Variants in SLC38A10 observed in about 807,000 individuals in gnomAD.
The protein encoded by SLC38A10 is solute carrier family 38 member 10, also known as Sodium-coupled neutral amino acid transporter 10.
In SLC38A10, 53 loss-of-function variants were observed where a neutral mutation model predicts 81.0. That is an observed-to-expected ratio of 0.65 (90% CI 0.53 to 0.82). The LOEUF (loss-of-function observed/expected upper bound fraction) is 0.82. SLC38A10 is among the 40% of genes least tolerant of loss of function. SLC38A10 has a pLI of 0.00. For missense variants in SLC38A10, 1,471 were observed against 1,545.0 expected (o/e 0.95, Z 0.80); for synonymous variants, 665 against 655.3 (o/e 1.01, Z -0.23).
In SLC38A10 at chr17:81,284,837, G is replaced by C. The variant is rs1430577296; in HGVS notation, c.263+13C>G. 2 of 1,537,658 alleles carry C rather than the reference G, an allele frequency of 1.3e-6. No homozygotes were observed. The highest frequency in any genetic ancestry group is 4.0e-5 in the Admixed American group (2 of 49,722). ...GGGGTGGGGGGCAAGCGCAGCGGCA[G>C]GGCGGGGCTTACCTGGTCTCCACCA... On this transcript the variant is annotated intron_variant, in intron 3 of 15. Transcript: ENST00000374759.
chr17:81,293,271 T>C (rs1473117207), intron 1 of SLC38A10, among the ~76,000 whole-genome samples: 1 of 152,256 alleles, frequency 6.6e-6, no homozygotes, highest in Non-Finnish European at 1.5e-5. Flanking sequence ...CACTGGGACA[T>C]GGAGTCAGTC....
chr17:81,275,321 T>A (rs1016637865), intron 8 of SLC38A10, among the ~76,000 whole-genome samples: 17 of 152,084 alleles, frequency 1.1e-4, no homozygotes, highest in Non-Finnish European at 2.2e-4. Context: ...CGCCTCAGCC[T>A]CCTGAGGAGC....
Position 81,294,518 on chromosome 17 carries a change from C to A in SLC38A10, c.99+305G>T, listed in dbSNP as rs112222269. On this transcript the variant is annotated intron_variant, in intron 1 of 15. Coordinates refer to ENST00000374759, the MANE Select transcript of SLC38A10 (RefSeq NM_001037984.3). Reference sequence around the variant, plus strand: ...TAAAATGTAAAAATACGGAGTCCCACCGTTCCCTTCCGATTCTGGAGGATC... The same window carrying A: ...TAAAATGTAAAAATACGGAGTCCCAACGTTCCCTTCCGATTCTGGAGGATC... 7.1e-3 allele frequency among the ~76,000 whole-genome samples: 1,080 copies of A among 152,338 alleles called. 15 individuals carry two copies. Among genetic ancestry groups the A allele is most frequent in the African/African-American group, 0.025 (1,025 of 41,576 alleles).
chr17:81,250,240 A>C (rs986513959), intron 14 of SLC38A10: 24 of 816,490 alleles, frequency 2.9e-5, no homozygotes, highest in Non-Finnish European at 3.9e-5. Context: ...GCCAGACTAA[A>C]ACCGGAGACA....
rs1567937392 is a variant in SLC38A10 at position 81,270,202 on chromosome 17, G to C, written c.1131+716C>G. On this transcript the variant is annotated intron_variant, in intron 10 of 15. Coordinates refer to ENST00000374759, the MANE Select transcript of SLC38A10 (RefSeq NM_001037984.3). The surrounding 1 kb of genome is among the most constrained non-coding windows in gnomAD (Gnocchi z 4.0). ...AGTGACGCTGCAGGCACTTTGGGTA[G>C]AGCCACCACATTTACAGATGCTCAC... Among the ~76,000 whole-genome samples, 1 of 152,194 alleles carries C rather than the reference G, an allele frequency of 6.6e-6. No individual in the cohort carries two copies. Among genetic ancestry groups the C allele is most frequent in the South Asian group, 2.1e-4 (1 of 4,824 alleles).
chr17:81,246,956 G>T lies in SLC38A10; in HGVS notation c.2171C>A (p.Ala724Glu). The change falls in exon 15 of 16, where the codon GCG becomes GAG. Residue 724 changes from alanine (A) to glutamate (E), a missense_variant. Ala to Glu is a moderately radical substitution (Grantham distance 107). Around this residue, in one of 2 missense-constraint regions of SLC38A10, gnomAD observed 751 missense variants for 717.4 expected, o/e 1.05. Coordinates refer to ENST00000374759, the MANE Select transcript of SLC38A10 (RefSeq NM_001037984.3). The stretch of plus-strand genomic sequence containing the variant: ...CTCCTTGTGCTGCTCCTCGATCACC[G>T]CCAGCAGCTTCTCCTGCTGGTCCAG... ...RLLDQQEKLL[A>E]VIEEQHKEIH... The T allele has an allele frequency of 6.2e-7, 1 of 1,607,290 alleles. No individual in the cohort carries two copies.
In SLC38A10 at chr17:81,244,966, T is replaced by C. The variant is rs1186938774; in HGVS notation, c.*590A>G. 1 of 162,452 alleles carries C rather than the reference T, an allele frequency of 6.2e-6. No individual in the cohort carries two copies. The highest frequency in any genetic ancestry group is 2.0e-4 in the South Asian group (1 of 4,914). The allele number at this position is 162,452 out of a possible 1,614,324, so 10.1% of individuals were successfully genotyped here. On this transcript the variant is annotated 3_prime_UTR_variant, in exon 16 of 16. Coordinates refer to ENST00000374759, the MANE Select transcript of SLC38A10 (RefSeq NM_001037984.3). ...CGGCTTGTCTGGCCCCTGCTCCCTG[T>C]GCTTCCTGGACACCAAACAGCATCC...
In SLC38A10 at chr17:81,277,580, C is replaced by T. The variant is rs1334870284; in HGVS notation, c.627-447G>A. 1.3e-5 allele frequency among the ~76,000 whole-genome samples: 2 copies of T among 152,208 alleles called. No homozygotes were observed. Among genetic ancestry groups the T allele is most frequent in the African/African-American group, 4.8e-5 (2 of 41,454 alleles). ...GCCTCCGCACAGGCATGATCAGAGT[C>T]GGCACAGACAAGGAGGCGGCCTGGG... On this transcript the variant is annotated intron_variant, in intron 6 of 15. Transcript: ENST00000374759. The surrounding 1 kb of genome is among the most constrained non-coding windows in gnomAD (Gnocchi z 4.5).
At chr17:81,259,100 GACA>G (rs917922097) in intron 11 of SLC38A10, among the ~76,000 whole-genome samples, 2 of 152,252 alleles carry the variant, frequency 1.3e-5, no homozygotes, top group Non-Finnish European at 1.5e-5. Flanking sequence ...GAACAGAGAT[GACA>G]ACAAGCCCCA....
chr17:81,251,017 T>A lies in SLC38A10; in HGVS notation c.2065+476A>T, dbSNP rs1389482769. The A allele has an allele frequency of 2.1e-6, 3 of 1,412,404 alleles. No homozygotes were observed. In the East Asian group the frequency reaches 7.9e-5, roughly 37 times the overall value. The allele number at this position is 1,412,404 out of a possible 1,614,324, so 87.5% of individuals were successfully genotyped here. On this transcript the variant is annotated intron_variant, in intron 14 of 15. Coordinates refer to ENST00000374759, the MANE Select transcript of SLC38A10 (RefSeq NM_001037984.3). ...TGGGAGCAGTGCTCTGGGCCAGGGC[T>A]ATGCTAGGACCAGGGCGGGCACAGC...
rs2063159295 is a variant in SLC38A10 at position 81,276,082 on chromosome 17, T to G, written c.799A>C (p.Asn267His). The G allele has an allele frequency of 4.3e-6, 7 of 1,613,784 alleles. No homozygotes were observed. Among genetic ancestry groups the G allele is most frequent in the East Asian group, 2.2e-5 (1 of 44,876 alleles). Residue 267 changes from asparagine to histidine, a missense_variant, in exon 8 of 16, where the codon AAC becomes CAC. This residue lies in a region of SLC38A10 where 720 missense variants were observed against 827.7 expected (regional missense o/e 0.87). Coordinates refer to ENST00000374759, the MANE Select transcript of SLC38A10 (RefSeq NM_001037984.3). This position sits in a 1 kb window ranked among gnomAD's most constrained non-coding sequence, Gnocchi z 4.7. ...AGNVLMHFPS[N>H]LVTEMLRVGF... ...ACACGGAGCATCTCCGTCACCAGGT[T>G]GGAGGGAAAGTGCATGAGCACGTTG...
Position 81,252,453 on chromosome 17 carries a change from G to T in SLC38A10, c.1687C>A (p.Gln563Lys). The T allele has an allele frequency of 6.2e-7, 1 of 1,613,290 alleles. No homozygotes were observed. The highest frequency in any genetic ancestry group is 8.5e-7 in the Non-Finnish European group (1 of 1,179,990). ...CCCGCCTCCTCCAAGGCCTGGGCCT[G>T]TCCAGGCCTCTTCCCAACCTCTCCC... ...EQGEVGKRPGQAQALEEAGDL... is the reference protein window; with the variant it reads ...EQGEVGKRPGKAQALEEAGDL... Residue 563 changes from glutamine to lysine, a missense_variant, in exon 13 of 16, where the codon CAG becomes AAG. Physicochemically the swap from Gln to Lys is moderately conservative, Grantham distance 53. This residue lies in a region of SLC38A10 where 720 missense variants were observed against 827.7 expected (regional missense o/e 0.87). Coordinates refer to ENST00000374759, the MANE Select transcript of SLC38A10 (RefSeq NM_001037984.3).
In SLC38A10 at chr17:81,289,133, C is replaced by T. The variant is rs1341412352; in HGVS notation, c.217+558G>A. On this transcript the variant is annotated intron_variant, in intron 2 of 15. Transcript: ENST00000374759. This position sits in a 1 kb window ranked among gnomAD's most constrained non-coding sequence, Gnocchi z 5.9. The stretch of plus-strand genomic sequence containing the variant: ...TCAGCTCACTGCAGCCTCCACCTAT[C>T]GGGTTCAAGAGATTCTCTGGCCTCA... Among the ~76,000 whole-genome samples the T allele has an allele frequency of 6.6e-6, 1 of 151,964 alleles. No homozygotes were observed. The highest frequency in any genetic ancestry group is 2.1e-4 in the South Asian group (1 of 4,818).
intron 10 of SLC38A10, among the ~76,000 whole-genome samples, chr17:81,267,433 G>A (rs1263626289): frequency 2.0e-5 from 3 of 152,038 alleles, no homozygotes; most frequent in Non-Finnish European, 4.4e-5. Flanking sequence ...AAATAGTACT[G>A]GAGTGTGGAA....
chr17:81,262,331 G>T (rs1448306381), intron 10 of SLC38A10, among the ~76,000 whole-genome samples: 2 of 152,196 alleles, frequency 1.3e-5, no homozygotes, highest in Non-Finnish European at 2.9e-5. Flanking sequence ...CGGGCTACCT[G>T]GGGTAAAGGG....
chr17:81,259,550 T>C (rs1040864541), intron 11 of SLC38A10, among the ~76,000 whole-genome samples: 3 of 152,124 alleles, frequency 2.0e-5, no homozygotes, highest in Non-Finnish European at 2.9e-5. Context: ...GCACTCCCTC[T>C]CTAGGCCTGG....
chr17:81,245,511 G>A lies in SLC38A10; in HGVS notation c.*45C>T. 6.5e-7 allele frequency: 1 copy of A among 1,538,120 alleles called. No individual in the cohort carries two copies. The highest frequency in any genetic ancestry group is 1.2e-5 in the South Asian group (1 of 81,650). ...TGCGGCTGAGACAGACCTGCTGCTG[G>A]CCGAGGAGGGCAGTGGCTGGCGTGG... On this transcript the variant is annotated 3_prime_UTR_variant, in exon 16 of 16. Coordinates refer to ENST00000374759, the MANE Select transcript of SLC38A10 (RefSeq NM_001037984.3).
At position 81,283,998 on chromosome 17, in the gene SLC38A10, G is replaced by A. The variant is rs1333528154; in HGVS notation, c.264-496C>T. 2.0e-5 allele frequency among the ~76,000 whole-genome samples: 3 copies of A among 151,840 alleles called. No individual in the cohort carries two copies. The highest frequency in any genetic ancestry group is 4.8e-5 in the African/African-American group (2 of 41,366). On this transcript the variant is annotated intron_variant, in intron 3 of 15. Coordinates refer to ENST00000374759, the MANE Select transcript of SLC38A10 (RefSeq NM_001037984.3). The surrounding 1 kb of genome is among the most constrained non-coding windows in gnomAD (Gnocchi z 4.7). ...ATGTCACTTGGCATGCACACCAAAC[G>A]ACACTCAGCTTTTCTCAGCCTGGTA... is the stretch of plus-strand genomic sequence containing the variant.
intron 12 of SLC38A10, 117 bp downstream of exon 12, chr17:81,252,956 G>A: frequency 2.3e-6 from 3 of 1,329,774 alleles, no homozygotes; most frequent in Non-Finnish European, 3.1e-6. Flanking sequence ...AACTTAGGCT[G>A]GGCTGAAGGG....
Sources: gnomAD v4.1 joint callset for allele counts (sites outside exome capture counted in the v4.1 genomes callset) on GRCh38, gnomAD v4.1.1 for gene constraint, gnomAD v4.1.1 regional missense constraint, Gnocchi (gnomAD v3.1) non-coding constraint, MANE v1.5 for transcripts, NCBI Gene and HGNC (gene_info 2026-07-23, HGNC 2026-07-21) for gene names.